ADAMTSL1: variants seen among roughly 807,000 people sequenced by gnomAD.
The protein encoded by ADAMTSL1 is ADAMTS like 1.
Under a neutral mutation model 201.8 loss-of-function variants are expected in ADAMTSL1, and 126 were observed. The ratio of observed to expected loss-of-function variants is 0.62; its 90% CI spans 0.54 to 0.72. ADAMTSL1 has a LOEUF of 0.72. Among genes scored for constraint, ADAMTSL1 ranks in the 30% least tolerant of loss-of-function variants. The pLI is 0.00. For synonymous variants in ADAMTSL1, 1,121 were observed against 903.4 expected (o/e 1.24, Z -4.32); for missense variants, 2,679 against 2,277.8 (o/e 1.18, Z -3.59).
chr9:18,250,367 C>G (rs1259236150), intron 2 of ADAMTSL1, among the ~76,000 whole-genome samples: 1 of 152,156 alleles, frequency 6.6e-6, no homozygotes, highest in Non-Finnish European at 1.5e-5. Context: ...TCCTGACTCC[C>G]TCTTTGGGAG....
At chr9:17,918,168 TTC>T (rs1233930698) in intron 1 of ADAMTSL1, among the ~76,000 whole-genome samples, 1 of 151,822 alleles carries the variant, frequency 6.6e-6, no homozygotes, top group Non-Finnish European at 1.5e-5. Context: ...ATTTCCTCTC[TTC>T]ATTAATTTTT....
At chr9:18,459,173 A>T (rs78335165) in intron 2 of ADAMTSL1, among the ~76,000 whole-genome samples, 3 of 152,206 alleles carry the variant, frequency 2.0e-5, no homozygotes, top group Non-Finnish European at 2.9e-5. Context: ...TTATTTAGAC[A>T]TTCATTAAAT....
chr9:18,001,850 C>T (rs972042462), intron 1 of ADAMTSL1, among the ~76,000 whole-genome samples: 1 of 151,800 alleles, frequency 6.6e-6, no homozygotes, highest in African/African-American at 2.4e-5. Flanking sequence ...AGATAGGAAG[C>T]CAGTGGTGAG....
intron 4 of ADAMTSL1, among the ~76,000 whole-genome samples, chr9:18,602,593 A>AG (rs1166164364): frequency 6.6e-6 from 1 of 152,060 alleles, no homozygotes; most frequent in African/African-American, 2.4e-5. Context: ...TTTAATTCAG[A>AG]GCTCACATCT....
intron 4 of ADAMTSL1, among the ~76,000 whole-genome samples, chr9:18,601,482 G>T (rs1212300656): frequency 6.6e-6 from 1 of 152,128 alleles, no homozygotes; most frequent in Non-Finnish European, 1.5e-5. Context: ...AAATTCCCAG[G>T]GAAGAGAGTC....
At chr9:18,061,824 GTGC>G (rs1472203304) in intron 1 of ADAMTSL1, among the ~76,000 whole-genome samples, 1 of 152,212 alleles carries the variant, frequency 6.6e-6, no homozygotes, top group East Asian at 1.9e-4. Flanking sequence ...AATAGATAAA[GTGC>G]ATTGGCGGTT....
At chr9:18,267,762 T>TAAAAAAAAAAA (rs72030473) in intron 2 of ADAMTSL1, among the ~76,000 whole-genome samples, 44 of 125,202 alleles carry the variant, frequency 3.5e-4, no homozygotes, top group East Asian at 1.9e-3. Flanking sequence ...CAAAGGCTAT[T>TAAAAAAAAAAA]AAAAAAAAAA....
At chr9:18,487,722 A>G (rs1242409657) in intron 1 of ADAMTSL1, among the ~76,000 whole-genome samples, 2 of 152,206 alleles carry the variant, frequency 1.3e-5, no homozygotes, top group East Asian at 3.9e-4. Flanking sequence ...ATGCGTATTC[A>G]GTGCTTAGAG....
At chr9:18,835,572 C>T (rs10756991) in intron 23 of ADAMTSL1, among the ~76,000 whole-genome samples, 61,530 of 151,782 alleles carry the variant, frequency 0.41, 12,778 homozygotes, top group East Asian at 0.68. Flanking sequence ...GTATATTTCC[C>T]AATGCTGAGA....
intron 15 of ADAMTSL1, among the ~76,000 whole-genome samples, chr9:18,726,024 A>G (rs1194092517): frequency 6.6e-6 from 1 of 152,210 alleles, no homozygotes; most frequent in Non-Finnish European, 1.5e-5. Context: ...AAGAGGCCAT[A>G]CACCTTTTGA....
chr9:18,844,331 C>T (rs1238756821), intron 23 of ADAMTSL1, among the ~76,000 whole-genome samples: 3 of 152,174 alleles, frequency 2.0e-5, no homozygotes, highest in Non-Finnish European at 2.9e-5. Context: ...GTACCAGCAG[C>T]GGTGGCTGCA....
intron 1 of ADAMTSL1, among the ~76,000 whole-genome samples, chr9:18,504,384 G>A (rs1004766612): frequency 2.0e-5 from 3 of 152,148 alleles, no homozygotes; most frequent in African/African-American, 4.8e-5. Context: ...AAAAATTGTC[G>A]ATGGTATAAA....
rs112450370 is a variant in ADAMTSL1, at chr9:18,264,244, C to A, written c.207+100263C>A. On this transcript the variant is annotated intron_variant, in intron 2 of 29. Coordinates refer to the ADAMTSL1 transcript ENST00000680146. The stretch of plus-strand genomic sequence containing the variant: ...CCTCAAATACCTTCAAATATAGTTT[C>A]TTTTTCTTGATTCTGGCTATCTCAT... 3.5e-3 allele frequency among the ~76,000 whole-genome samples: 538 copies of A among 152,176 alleles called. 1 individual carries two copies. The highest frequency in any genetic ancestry group is 0.011 in the African/African-American group (448 of 41,534).
rs115317131 is a variant in ADAMTSL1, at chr9:18,421,271, A to G, written c.208-83558A>G. On this transcript the variant is annotated intron_variant, in intron 2 of 29. Coordinates refer to the ADAMTSL1 transcript ENST00000680146. ...ATCCCATTGGTAAATATAGTATTGC[A>G]TTTGAGTAACTCTGCAATACCTGTA... 6.3e-3 allele frequency among the ~76,000 whole-genome samples: 964 copies of G among 152,318 alleles called. 12 individuals are homozygous for G. The highest frequency in any genetic ancestry group is 0.022 in the African/African-American group (902 of 41,564).
At chr9:17,919,746 A>C (rs1588415700) in intron 1 of ADAMTSL1, among the ~76,000 whole-genome samples, 1 of 152,108 alleles carries the variant, frequency 6.6e-6, no homozygotes, top group East Asian at 1.9e-4. Context: ...GATTTTTCCC[A>C]CTTTTTAGCT....
At chr9:18,298,847 T>C (rs958142380) in intron 2 of ADAMTSL1, among the ~76,000 whole-genome samples, 2 of 151,574 alleles carry the variant, frequency 1.3e-5, no homozygotes, top group African/African-American at 4.8e-5. Flanking sequence ...CCGTCTCTAT[T>C]AAAAATACAA....
intron 4 of ADAMTSL1, among the ~76,000 whole-genome samples, chr9:18,603,087 T>C (rs538557605): frequency 6.6e-6 from 1 of 152,326 alleles, no homozygotes; most frequent in East Asian, 1.9e-4. Context: ...CTTACTTTTG[T>C]TCTTCTTCAA....
intron 1 of ADAMTSL1, among the ~76,000 whole-genome samples, chr9:18,126,681 C>A (rs10756936): frequency 0.69 from 104,408 of 151,556 alleles, 37,064 homozygotes; most frequent in Admixed American, 0.77. Context: ...AAGCAGTGGT[C>A]GTTTGGCACA....
chr9:18,311,349 TAAAAAA>T (rs60100300), intron 2 of ADAMTSL1, among the ~76,000 whole-genome samples: 2 of 145,962 alleles, frequency 1.4e-5, no homozygotes, highest in African/African-American at 5.0e-5. Context: ...TAGGGTATAA[TAAAAAA>T]AAAAAGTATA....
Sources: gnomAD v4.1 joint callset for allele counts (sites outside exome capture counted in the v4.1 genomes callset) on GRCh38, gnomAD v4.1.1 for gene constraint, MANE v1.5 for transcripts, NCBI Gene and HGNC (gene_info 2026-07-23, HGNC 2026-07-21) for gene names.